The following LPXN variants were observed in gnomAD, a reference collection of about 807,000 sequenced individuals.
LPXN encodes the protein leupaxin.
In LPXN, 28 loss-of-function variants were observed where a neutral mutation model predicts 45.6. The observed-to-expected ratio is 0.61, with a 90% confidence interval of 0.45 to 0.84. LPXN has a LOEUF of 0.84. Among genes scored for constraint, LPXN ranks in the 40% least tolerant of loss-of-function variants. The pLI, the probability that LPXN is intolerant of heterozygous loss-of-function variation, is 0.00. For missense variants in LPXN, 459 were observed against 475.0 expected (o/e 0.97, Z 0.31); for synonymous variants, 166 against 169.9 (o/e 0.98, Z 0.18).
Position 58,550,078 on chromosome 11 carries a change from A to C in LPXN, c.555T>G (p.Ile185Met), listed in dbSNP as rs1433402262. 1.2e-6 allele frequency: 2 copies of C among 1,614,080 alleles called. No homozygotes were observed. The highest frequency in any genetic ancestry group is 1.7e-6 in the Non-Finnish European group (2 of 1,180,040). The part of the protein sequence containing the change: ...HFVCTHCKEE[I>M]GSSPFFERSG... ...TCCGCTCAAAGAAGGGACTGGAGCCAATCTCTTCTTTGCAATGAGTACAGA... is the reference window on the plus strand; with the variant it reads ...TCCGCTCAAAGAAGGGACTGGAGCCCATCTCTTCTTTGCAATGAGTACAGA... The change falls in exon 6 of 9, where the codon ATT (isoleucine) becomes ATG (methionine). Residue 185 changes from isoleucine (I) to methionine (M), a missense_variant. Ile to Met is a conservative substitution (Grantham distance 10, BLOSUM62 1). Coordinates refer to ENST00000395074, the MANE Select transcript of LPXN (RefSeq NM_004811.3).
At chr11:58,578,264 A>G (rs1307956859), upstream of LPXN, 7 of 527,578 alleles carry the variant, frequency 1.3e-5, no homozygotes, top group African/African-American at 1.9e-5. Context: ...GCCTCCCGAA[A>G]AAAAGGTAAA....
At chr11:58,575,554 T>C (rs1854858874) in intron 1 of LPXN, among the ~76,000 whole-genome samples, 1 of 152,244 alleles carries the variant, frequency 6.6e-6, no homozygotes, top group South Asian at 2.1e-4. Flanking sequence ...CCATCTATTT[T>C]GCCACTGCAA....
chr11:58,558,540 C>CA (rs35870490), intron 3 of LPXN, among the ~76,000 whole-genome samples: 3,633 of 47,742 alleles, frequency 0.076, 237 homozygotes, highest in African/African-American at 0.14. Flanking sequence ...GAGACCCTGT[C>CA]AAAAAAAAAA....
chr11:58,529,158 T>G (rs554560356), intron 7 of LPXN, among the ~76,000 whole-genome samples: 129 of 152,282 alleles, frequency 8.5e-4, no homozygotes, highest in African/African-American at 3.0e-3. Context: ...AAGTTAAATA[T>G]TAATAAATTT....
At chr11:58,573,021 G>A (rs189911337) in intron 1 of LPXN, among the ~76,000 whole-genome samples, 283 of 152,194 alleles carry the variant, frequency 1.9e-3, no homozygotes, top group African/African-American at 6.4e-3. Flanking sequence ...CGAGGCGGGC[G>A]GATCGCCTGA....
At chr11:58,574,701 C>A (rs1022806418) in intron 1 of LPXN, among the ~76,000 whole-genome samples, 1 of 152,142 alleles carries the variant, frequency 6.6e-6, no homozygotes, top group African/African-American at 2.4e-5. Flanking sequence ...AAGAGTCTGG[C>A]CCAATATCAA....
intron 3 of LPXN, among the ~76,000 whole-genome samples, chr11:58,559,238 T>C (rs1340029146): frequency 6.6e-6 from 1 of 152,108 alleles, no homozygotes; most frequent in Admixed American, 6.5e-5. Context: ...CACATTTATA[T>C]ATACCATAGG....
chr11:58,528,330 T>C, intron 7 of LPXN, 139 bp from the exon 8 acceptor site: 3 of 793,082 alleles, frequency 3.8e-6, no homozygotes, highest in Non-Finnish European at 6.1e-6. Context: ...CAAAGGGTAG[T>C]TGTAAGAAAT....
chr11:58,546,724 G>A (rs941662662), intron 7 of LPXN, among the ~76,000 whole-genome samples: 5 of 152,100 alleles, frequency 3.3e-5, no homozygotes, highest in African/African-American at 1.2e-4. Context: ...TTCTTAAATA[G>A]TAACAGACAA....
intron 7 of LPXN, among the ~76,000 whole-genome samples, chr11:58,543,934 C>T (rs1219403945): frequency 6.6e-6 from 1 of 152,092 alleles, no homozygotes; most frequent in Non-Finnish European, 1.5e-5. Flanking sequence ...GTGTTGGGAA[C>T]CAAACCATAT....
chr11:58,548,040 TA>T (rs1256064267), intron 7 of LPXN, among the ~76,000 whole-genome samples: 1 of 151,888 alleles, frequency 6.6e-6, no homozygotes, highest in Non-Finnish European at 1.5e-5. Flanking sequence ...GGATCAAGGA[TA>T]AAAAAAATTT....
intron 2 of LPXN, among the ~76,000 whole-genome samples, chr11:58,567,626 G>A (rs940392253): frequency 6.6e-6 from 1 of 152,162 alleles, no homozygotes; most frequent in Non-Finnish European, 1.5e-5. Flanking sequence ...TCATTTTAAG[G>A]CATATTCTTC....
Position 58,527,612 on chromosome 11 carries a change from G to A in LPXN, c.1003C>T (p.Pro335Ser). 1 of 1,614,210 alleles carries A rather than the reference G, an allele frequency of 6.2e-7. No individual in the cohort carries two copies. The highest frequency in any genetic ancestry group is 8.5e-7 in the Non-Finnish European group (1 of 1,180,038). ...RGTLCHGCGQ[P>S]ITGRCISAMG... ...GCACTGATACAACGGCCAGTGATGG[G>A]CTGCCCACACCCATGGCAGAGCGTT... Residue 335 changes from proline (P) to serine (S), a missense_variant, in exon 9 of 9, where the codon CCC (proline) becomes TCC (serine). Transcript: ENST00000395074.
chr11:58,560,311 C>G (rs192394322), intron 3 of LPXN, among the ~76,000 whole-genome samples: 1 of 152,270 alleles, frequency 6.6e-6, no homozygotes, highest in East Asian at 1.9e-4. Flanking sequence ...CAGTAAAGTA[C>G]ATAAATATAG....
rs1565193863 is a variant in LPXN at position 58,550,053 on chromosome 11, TC to T, written c.579del (p.Ser194ValfsTer30). On this transcript the variant is annotated frameshift_variant, in exon 6 of 9. Coordinates refer to ENST00000395074, the MANE Select transcript of LPXN (RefSeq NM_004811.3). LOFTEE classifies it high-confidence loss of function. ...TCGTTGGGGCAGTAGGCCAAGCCAC[TC>T]CGCTCAAAGAAGGGACTGGAGCCAA... is the stretch of plus-strand genomic sequence containing the variant. ...EEIGSSPFFE[R>X]SGLAYCPNDY... 1.2e-6 allele frequency: 2 copies of T among 1,614,146 alleles called. No individual in the cohort carries two copies. Among genetic ancestry groups the T allele is most frequent in the Non-Finnish European group, 1.7e-6 (2 of 1,180,018 alleles).
At chr11:58,575,014 A>G (rs752810392) in intron 1 of LPXN, among the ~76,000 whole-genome samples, 1 of 152,224 alleles carries the variant, frequency 6.6e-6, no homozygotes, top group Non-Finnish European at 1.5e-5. Flanking sequence ...CTGGCAACAG[A>G]TGTTGGCAAA....
At position 58,572,713 on chromosome 11, in the gene LPXN, A is replaced by G. The variant is rs367651835; in HGVS notation, c.14-2000T>C. Among the ~76,000 whole-genome samples, 31 of 152,268 alleles carry G rather than the reference A, an allele frequency of 2.0e-4. No homozygotes were observed. In the East Asian group the frequency reaches 3.7e-3, roughly 18 times the overall value. On this transcript the variant is annotated intron_variant, in intron 1 of 8. Coordinates refer to ENST00000395074, the MANE Select transcript of LPXN (RefSeq NM_004811.3). The stretch of plus-strand genomic sequence containing the variant: ...TTGTTATGGCAATGGCATTACAGTT[A>G]TATGTATAAATATATATTTATTTTA...
upstream of LPXN, among the ~76,000 whole-genome samples, chr11:58,577,315 TGGAAAATACTCA>T (rs1854925144): frequency 6.6e-6 from 1 of 152,078 alleles, no homozygotes; most frequent in Non-Finnish European, 1.5e-5. Flanking sequence ...CCTATGAAAA[TGGAAAATACTCA>T]GTAGAGAATA....
At chr11:58,570,767 T>C in intron 1 of LPXN, 54 bp from the exon 2 acceptor site, 2 of 1,383,672 alleles carry the variant, frequency 1.4e-6, no homozygotes, top group East Asian at 4.7e-5. Context: ...ATCCCTACAG[T>C]CATTTTCTCC....
Sources: allele counts gnomAD v4.1 joint callset (sites outside exome capture counted in the v4.1 genomes callset), GRCh38; gene constraint gnomAD v4.1.1; transcripts MANE v1.5; gene names NCBI Gene and HGNC (gene_info 2026-07-23, HGNC 2026-07-21).